SMAD9: variants seen among roughly 807,000 people sequenced by gnomAD.
SMAD9 encodes MAD homolog 9.
A neutral mutation model predicts 46.1 loss-of-function variants in SMAD9; 36 were observed. The ratio of observed to expected loss-of-function variants is 0.78; its 90% CI spans 0.60 to 1.03. The LOEUF (loss-of-function observed/expected upper bound fraction) is 1.03. Ranked by LOEUF, SMAD9 falls within the 50% of genes least tolerant of loss-of-function variation. The probability of loss-of-function intolerance (pLI) is 0.00; values close to 1 mark genes in which losing one functional copy is unlikely to be tolerated. For synonymous variants in SMAD9, 245 were observed against 237.1 expected (o/e 1.03, Z -0.31); for missense variants, 572 against 599.8 (o/e 0.95, Z 0.48).
chr13:36,862,370 G>C (rs1231593364), intron 5 of SMAD9, among the ~76,000 whole-genome samples: 3 of 152,106 alleles, frequency 2.0e-5, no homozygotes, highest in Admixed American at 6.5e-5. Flanking sequence ...AACCAAGATG[G>C]CATTAAAGTG....
chr13:36,866,477 C>T (rs909956501), intron 4 of SMAD9, among the ~76,000 whole-genome samples: 3 of 152,168 alleles, frequency 2.0e-5, no homozygotes, highest in Admixed American at 2.0e-4. Context: ...CTTTGCCACT[C>T]ACACCCTTTC....
At chr13:36,905,028 A>C (rs1447679984) in intron 1 of SMAD9, among the ~76,000 whole-genome samples, 1 of 152,214 alleles carries the variant, frequency 6.6e-6, no homozygotes, top group East Asian at 1.9e-4. Context: ...CACACTGAGC[A>C]CTGAGGGAAG....
intron 1 of SMAD9, among the ~76,000 whole-genome samples, chr13:36,908,067 T>G (rs1593625286): frequency 1.3e-5 from 2 of 152,230 alleles, no homozygotes; most frequent in East Asian, 3.8e-4. Context: ...TTAGTGCCAA[T>G]TAATGTAAAC....
At chr13:36,850,764 T>C (rs192214834) in intron 6 of SMAD9, among the ~76,000 whole-genome samples, 4 of 152,316 alleles carry the variant, frequency 2.6e-5, no homozygotes, top group Admixed American at 2.6e-4. Context: ...TTCCCAAATT[T>C]GTATTTCAAG....
chr13:36,856,798 CTTTT>C lies in SMAD9; in HGVS notation c.1004-3127_1004-3124del, dbSNP rs34107763. On this transcript the variant is annotated intron_variant, in intron 5 of 6. Transcript: ENST00000379826. ...CCAGGGTGAGGCCGGGTGACCTGCACTTTTTTTTTTTTTTTTTTTTGAGATGGAG... is the reference window on the plus strand; with the variant it reads ...CCAGGGTGAGGCCGGGTGACCTGCACTTTTTTTTTTTTTTTTGAGATGGAG... Among the ~76,000 whole-genome samples, 1,054 of 123,404 alleles carry C rather than the reference CTTTT, an allele frequency of 8.5e-3. 14 individuals are homozygous for C. Among genetic ancestry groups the C allele is most frequent in the African/African-American group, 0.034 (1,017 of 30,348 alleles). The allele number at this position is 123,404 out of a possible 152,430, so 81.0% of individuals were successfully genotyped here.
intron 5 of SMAD9, among the ~76,000 whole-genome samples, chr13:36,858,714 C>T (rs1159408577): frequency 6.6e-6 from 1 of 152,180 alleles, no homozygotes; most frequent in Non-Finnish European, 1.5e-5. Context: ...TTAGAAAATA[C>T]AGACAGAAAA....
chr13:36,920,189 C>T lies in SMAD9; in HGVS notation c.-260G>A. 3.7e-5 allele frequency: 1 copy of T among 27,328 alleles called. No homozygotes were observed. Among genetic ancestry groups the T allele is most frequent in the Non-Finnish European group, 1.2e-4 (1 of 8,682 alleles). 1.7% of individuals were successfully genotyped at this position (27,328 alleles called of 1,614,324 possible). On this transcript the variant is annotated 5_prime_UTR_variant, in exon 1 of 7. Coordinates refer to ENST00000379826, the MANE Select transcript of SMAD9 (RefSeq NM_001127217.3). ...GGGACCGAGACAGCGGCTGCAGCAG[C>T]GGCGGCGGCGGCGGCGGCGGCGGCG...
intron 1 of SMAD9, among the ~76,000 whole-genome samples, chr13:36,918,704 G>C (rs1344633450): frequency 6.6e-6 from 1 of 152,128 alleles, no homozygotes; most frequent in East Asian, 1.9e-4. Context: ...TTGTCTATTT[G>C]GAGTTGAGAA....
intron 2 of SMAD9, among the ~76,000 whole-genome samples, chr13:36,877,365 G>A (rs964213375): frequency 1.3e-5 from 2 of 151,980 alleles, no homozygotes; most frequent in Admixed American, 1.3e-4. Context: ...AAAAACAAAA[G>A]ACATGAAAAA....
chr13:36,917,023 C>T lies in SMAD9; in HGVS notation c.-187+3093G>A, dbSNP rs1786430709. 3.3e-5 allele frequency among the ~76,000 whole-genome samples: 5 copies of T among 151,988 alleles called. No individual in the cohort carries two copies. The South Asian group carries it at 1.0e-3, about 32-fold the overall frequency. ...GCCTGGAAAAGTGGTCTTGGGTCAG[C>T]CTAACACAAAAGGAAGCCGACACCA... is the stretch of plus-strand genomic sequence containing the variant. On this transcript the variant is annotated intron_variant, in intron 1 of 6. Transcript: ENST00000379826.
At chr13:36,912,144 T>C (rs2058666868) in intron 1 of SMAD9, among the ~76,000 whole-genome samples, 1 of 152,224 alleles carries the variant, frequency 6.6e-6, no homozygotes, top group African/African-American at 2.4e-5. Context: ...CAAATACCCC[T>C]TTGATTATGT....
At chr13:36,849,239 C>G in intron 6 of SMAD9, 1 of 167,184 alleles carries the variant, frequency 6.0e-6, no homozygotes, top group Non-Finnish European at 1.3e-5. Flanking sequence ...GGAAGGCGCT[C>G]TTGGTTTTTC....
Position 36,847,054 on chromosome 13 carries a change from A to C in SMAD9, c.*1622T>G, listed in dbSNP as rs2138244143. ...ACATGGGCCATATATTACATTTTTCAATGTAAAATGTAATAATTCTTTTCT... is the reference window on the plus strand; with the variant it reads ...ACATGGGCCATATATTACATTTTTCCATGTAAAATGTAATAATTCTTTTCT... On this transcript the variant is annotated 3_prime_UTR_variant, in exon 7 of 7. Coordinates refer to ENST00000379826, the MANE Select transcript of SMAD9 (RefSeq NM_001127217.3). 1 of 152,326 alleles carries C rather than the reference A, an allele frequency of 6.6e-6. No homozygotes were observed. The highest frequency in any genetic ancestry group is 2.4e-5 in the African/African-American group (1 of 41,576). 9.4% of individuals were successfully genotyped at this position (152,326 alleles called of 1,614,324 possible). A position where few individuals can be genotyped will look rare whatever the true frequency, so the allele number is the denominator to read the frequency against.
intron 1 of SMAD9, among the ~76,000 whole-genome samples, chr13:36,907,350 T>C (rs2058627625): frequency 6.6e-6 from 1 of 152,214 alleles, no homozygotes; most frequent in African/African-American, 2.4e-5. Flanking sequence ...ATGTGCTTAA[T>C]GCCACTGAAC....
chr13:36,887,730 C>G (rs1201774261), intron 1 of SMAD9, among the ~76,000 whole-genome samples: 1 of 151,932 alleles, frequency 6.6e-6, no homozygotes, highest in African/African-American at 2.4e-5. Context: ...TACTGATTAT[C>G]CATAAAAAGG....
chr13:36,861,766 T>C (rs1042191992), intron 5 of SMAD9, among the ~76,000 whole-genome samples: 2 of 151,696 alleles, frequency 1.3e-5, no homozygotes, highest in Non-Finnish European at 2.9e-5. Context: ...CTTTCTCTAC[T>C]AAAAATACAA....
intron 1 of SMAD9, among the ~76,000 whole-genome samples, chr13:36,882,781 T>A (rs1002177182): frequency 3.3e-5 from 5 of 152,222 alleles, no homozygotes; most frequent in African/African-American, 4.8e-5. Flanking sequence ...GCTTGGCATA[T>A]TTTTAATAGA....
chr13:36,916,649 A>C (rs983280352), intron 1 of SMAD9, among the ~76,000 whole-genome samples: 10 of 152,180 alleles, frequency 6.6e-5, no homozygotes, highest in African/African-American at 2.4e-4. Flanking sequence ...TAGATGAAAC[A>C]GTCCCTTCCT....
intron 5 of SMAD9, among the ~76,000 whole-genome samples, chr13:36,860,451 CT>C (rs1195704304): frequency 1.6e-3 from 214 of 135,622 alleles, no homozygotes; most frequent in East Asian, 2.4e-3. Flanking sequence ...ATTTTTTTAC[CT>C]TTTTTTTTTT....
Sources: gnomAD v4.1 joint callset for allele counts (sites outside exome capture counted in the v4.1 genomes callset) on GRCh38, gnomAD v4.1.1 for gene constraint, MANE v1.5 for transcripts, NCBI Gene and HGNC (gene_info 2026-07-23, HGNC 2026-07-21) for gene names.